The following AGPAT2 variants were observed in gnomAD, a reference collection of about 807,000 sequenced individuals.
The protein encoded by AGPAT2 is 1-acyl-sn-glycerol-3-phosphate acyltransferase beta.
Under a neutral mutation model 26.1 loss-of-function variants are expected in AGPAT2, and 18 were observed. The observed-to-expected ratio is 0.69, with a 90% CI of 0.48 to 1.02. AGPAT2 has a LOEUF of 1.02. AGPAT2 is among the 50% of genes least tolerant of loss of function. The pLI, the probability that AGPAT2 is intolerant of heterozygous loss-of-function variation, is 0.00. For synonymous variants in AGPAT2, 200 were observed against 174.2 expected, an observed-to-expected ratio of 1.15 and a Z score of -1.16; for missense variants, 415 against 394.9, an observed-to-expected ratio of 1.05 and a Z score of -0.43.
intron 1 of AGPAT2, among the ~76,000 whole-genome samples, chr9:136,680,856 G>A (rs142856052): frequency 0.012 from 1,826 of 151,420 alleles, 46 homozygotes; most frequent in African/African-American, 0.042. Context: ...TAGTAGAGAC[G>A]GGGTTTCACC....
intron 1 of AGPAT2, 48 bp from the exon 2 acceptor site, chr9:136,677,604 G>A (rs763580197): frequency 1.7e-5 from 27 of 1,611,250 alleles, no homozygotes; most frequent in East Asian, 1.6e-4. Flanking sequence ...TCCCGCAGCC[G>A]AGGCTGGGGC....
Position 136,684,098 on chromosome 9 carries a change from C to T in AGPAT2, c.182+3078G>A, listed in dbSNP as rs797006053. Among the ~76,000 whole-genome samples the T allele has an allele frequency of 5.9e-5, 9 of 152,350 alleles. No individual in the cohort carries two copies. The South Asian group carries it at 1.0e-3, about 18-fold the overall frequency. Reference sequence around the variant, plus strand: ...CGGGGAGCATCCTTAAGAGGAAGAGCACCCCTTTTCTGTCTGGGACCCTGA... The same window carrying T: ...CGGGGAGCATCCTTAAGAGGAAGAGTACCCCTTTTCTGTCTGGGACCCTGA... On this transcript the variant is annotated intron_variant, in intron 1 of 5. Coordinates refer to ENST00000371696, the MANE Select transcript of AGPAT2 (RefSeq NM_006412.4).
Position 136,677,858 on chromosome 9 carries a change from C to T in AGPAT2, c.183-302G>A, listed in dbSNP as rs185731165. Reference sequence around the variant, plus strand: ...TTCCAAATCCACATCCAGGGCCCACCCAGCCCTCATCCACCCCACAGGGGA... The same window carrying T: ...TTCCAAATCCACATCCAGGGCCCACTCAGCCCTCATCCACCCCACAGGGGA... On this transcript the variant is annotated intron_variant, in intron 1 of 5. Transcript: ENST00000371696. 1.4e-4 allele frequency among the ~76,000 whole-genome samples: 21 copies of T among 152,330 alleles called. No homozygotes were observed. In the East Asian group the frequency reaches 4.1e-3, roughly 29 times the overall value.
At chr9:136,678,087 A>G (rs1846116265) in intron 1 of AGPAT2, among the ~76,000 whole-genome samples, 2 of 152,328 alleles carry the variant, frequency 1.3e-5, no homozygotes, top group South Asian at 4.1e-4. Flanking sequence ...AGGTTCTTCC[A>G]GAAAAGAGCC....
At position 136,676,660 on chromosome 9, in the gene AGPAT2, G is replaced by A. The variant is rs770901917; in HGVS notation, c.513C>T (p.Pro171=). 95 of 1,613,292 alleles carry A rather than the reference G, an allele frequency of 5.9e-5. 1 individual carries two copies. Among genetic ancestry groups the A allele is most frequent in the Admixed American group, 1.3e-4 (8 of 59,996 alleles). ...VRENLKVWIY[P]EGTRNDNGDL... Reference sequence around the variant, plus strand: ...CCCCATTGTCGTTGCGAGTACCCTCGGGATAGATCCACACTTTGAGCTGCA... The same window carrying A: ...CCCCATTGTCGTTGCGAGTACCCTCAGGATAGATCCACACTTTGAGCTGCA... The change falls in exon 4 of 6, where the codon CCC becomes CCT. Residue 171 remains proline (P), a synonymous_variant. Transcript: ENST00000371696.
At chr9:136,675,269 C>T (rs1160319627) in intron 4 of AGPAT2, among the ~76,000 whole-genome samples, 2 of 152,036 alleles carry the variant, frequency 1.3e-5, no homozygotes, top group African/African-American at 4.8e-5. Context: ...GGGTCAAATC[C>T]AAGGGCACTT....
intron 5 of AGPAT2, among the ~76,000 whole-genome samples, chr9:136,674,369 G>A (rs920491142): frequency 7.2e-5 from 11 of 152,090 alleles, no homozygotes; most frequent in Non-Finnish European, 1.6e-4. Flanking sequence ...CATGAGCCCC[G>A]CAGCCTGTGC....
Position 136,687,211 on chromosome 9 carries a change from C to T in AGPAT2, c.147G>A (p.Leu49=). The T allele has an allele frequency of 6.3e-7, 1 of 1,592,662 alleles. No homozygotes were observed. Among genetic ancestry groups the T allele is most frequent in the Non-Finnish European group, 8.5e-7 (1 of 1,174,126 alleles). Residue 49 remains leucine (L), a synonymous_variant, in exon 1 of 6, where the codon CTG becomes CTA. Coordinates refer to ENST00000371696, the MANE Select transcript of AGPAT2 (RefSeq NM_006412.4). ...TVSAVASLVC[L]LRHGGRTVEN... ...CCACCGTCCGGCCGCCGTGGCGCAG[C>T]AGGCAGACGAGCGAGGCCACGGCGG...
chr9:136,673,684 C>T lies in AGPAT2; in HGVS notation c.*68G>A, dbSNP rs757129159. On this transcript the variant is annotated 3_prime_UTR_variant, in exon 6 of 6. Transcript: ENST00000371696. ...GGTATTTGGAAGCCGGGAGGAGTCC[C>T]CTCTGCCCATCCTCCAGCCATCGGC... 1 of 1,461,778 alleles carries T rather than the reference C, an allele frequency of 6.8e-7. No homozygotes were observed. Among genetic ancestry groups the T allele is most frequent in the East Asian group, 2.6e-5 (1 of 38,458 alleles). The allele number at this position is 1,461,778 out of a possible 1,614,324, so 90.6% of individuals were successfully genotyped here. A position where few individuals can be genotyped will look rare whatever the true frequency, so the allele number is the denominator to read the frequency against.
intron 1 of AGPAT2, among the ~76,000 whole-genome samples, chr9:136,682,852 C>G (rs1188203913): frequency 6.6e-6 from 1 of 152,184 alleles, no homozygotes; most frequent in Non-Finnish European, 1.5e-5. Context: ...CCCCCAGGCA[C>G]CTGGGCTGCT....
chr9:136,674,880 G>A (rs1243478560), intron 4 of AGPAT2, 73 bp from the exon 5 acceptor site: 2 of 1,167,056 alleles, frequency 1.7e-6, no homozygotes, highest in Non-Finnish European at 2.3e-6. Flanking sequence ...GCATGTGGTT[G>A]GGGAGCCCTG....
intron 5 of AGPAT2, 144 bp from the exon 6 acceptor site, chr9:136,674,071 C>T (rs1230614129): frequency 1.2e-5 from 9 of 761,628 alleles, no homozygotes; most frequent in Non-Finnish European, 1.6e-5. Context: ...ACTCCCTAGC[C>T]GTGGTGGGTT....
intron 1 of AGPAT2, among the ~76,000 whole-genome samples, chr9:136,680,375 T>C (rs952217518): frequency 1.2e-4 from 18 of 152,230 alleles, no homozygotes; most frequent in African/African-American, 2.6e-4. Context: ...TACAGGTGCC[T>C]GCCACCAGGC....
chr9:136,679,104 G>T (rs548588902), intron 1 of AGPAT2, among the ~76,000 whole-genome samples: 1 of 152,300 alleles, frequency 6.6e-6, no homozygotes, highest in East Asian at 1.9e-4. Context: ...GTATCTCCTT[G>T]GCCTTTTCCG....
chr9:136,686,716 G>A (rs956695059), intron 1 of AGPAT2, among the ~76,000 whole-genome samples: 2 of 148,468 alleles, frequency 1.3e-5, no homozygotes, highest in South Asian at 2.1e-4. Context: ...GAGGGGGTCG[G>A]AGGGAGGCCG....
chr9:136,676,769 G>A lies in AGPAT2; in HGVS notation c.493-89C>T, dbSNP rs1016594007. ...CTCGCCTCCTAAGAAGCCCCACTTC[G>A]CAAAGCAGCTGGCATGGGACCCCAT... is the stretch of plus-strand genomic sequence containing the variant. On this transcript the variant is annotated intron_variant, in intron 3 of 5. Coordinates refer to ENST00000371696, the MANE Select transcript of AGPAT2 (RefSeq NM_006412.4). The A allele has an allele frequency of 3.0e-5, 41 of 1,388,230 alleles. 3 individuals are homozygous for A. The South Asian group carries it at 3.1e-4, about 10-fold the overall frequency. The allele number at this position is 1,388,230 out of a possible 1,614,324, so 86.0% of individuals were successfully genotyped here.
intron 1 of AGPAT2, among the ~76,000 whole-genome samples, chr9:136,681,731 G>A (rs1017972849): frequency 3.3e-5 from 5 of 152,202 alleles, no homozygotes; most frequent in Non-Finnish European, 4.4e-5. Context: ...GAACCAGGGA[G>A]GAGGAGGTTG....
chr9:136,682,185 G>A (rs918609293), intron 1 of AGPAT2, among the ~76,000 whole-genome samples: 1 of 152,134 alleles, frequency 6.6e-6, no homozygotes, highest in Non-Finnish European at 1.5e-5. Context: ...CCCCCAGTAG[G>A]ACTCTAGGAG....
chr9:136,679,300 G>A (rs1357673879), intron 1 of AGPAT2, among the ~76,000 whole-genome samples: 3 of 152,146 alleles, frequency 2.0e-5, no homozygotes, highest in Non-Finnish European at 4.4e-5. Context: ...CACCACCTCA[G>A]GCTGATGGGG....
Sources: allele counts gnomAD v4.1 joint callset (sites outside exome capture counted in the v4.1 genomes callset), GRCh38; gene constraint gnomAD v4.1.1; transcripts MANE v1.5; gene names NCBI Gene and HGNC (gene_info 2026-07-23, HGNC 2026-07-21).